Variants in LPP observed in about 807,000 individuals in gnomAD.
LPP encodes the protein LIM domain containing preferred translocation partner in lipoma, also known as lipoma-preferred partner.
In LPP, 38 loss-of-function variants were observed where a neutral mutation model predicts 60.4. The ratio of observed to expected loss-of-function variants is 0.63; its 90% CI spans 0.49 to 0.83. The LOEUF is 0.83. LPP is among the 40% of genes least tolerant of loss of function. The pLI, the probability that LPP is intolerant of heterozygous loss-of-function variation, is 0.00. For synonymous variants in LPP, 328 were observed against 290.8 expected (o/e 1.13, Z -1.30); for missense variants, 902 against 783.6 (o/e 1.15, Z -1.80).
intron 7 of LPP, among the ~76,000 whole-genome samples, chr3:188,701,466 A>T (rs1480552581): frequency 6.6e-6 from 1 of 152,242 alleles, no homozygotes; most frequent in African/African-American, 2.4e-5. Flanking sequence ...ACTTTCAACG[A>T]TTAACCTTTG....
Position 188,449,388 on chromosome 3 carries a change from C to T in LPP, c.194-35204C>T, listed in dbSNP as rs115486909. Among the ~76,000 whole-genome samples, 586 of 152,266 alleles carry T rather than the reference C, an allele frequency of 3.8e-3. 1 individual carries two copies. The highest frequency in any genetic ancestry group is 7.2e-3 in the Non-Finnish European group (490 of 68,028). The stretch of plus-strand genomic sequence containing the variant: ...GGGCTTGGAATAGCACTTATAAATG[C>T]ATGAATTTTTAGAAATATATACTAT... On this transcript the variant is annotated intron_variant, in intron 4 of 11. Transcript: ENST00000617246.
chr3:188,610,911 A>G lies in LPP; in HGVS notation c.1113+1067A>G, dbSNP rs767311999. ...GAAATTTGAGAGCCCTCAATTAGCT[A>G]GAAGTTCAATGGTAGTTTTGGGGGA... On this transcript the variant is annotated intron_variant, in intron 7 of 11. Transcript: ENST00000617246. The surrounding 1 kb of genome is among the most constrained non-coding windows in gnomAD (Gnocchi z 4.4). Among the ~76,000 whole-genome samples the G allele has an allele frequency of 1.3e-5, 2 of 152,230 alleles. No homozygotes were observed.
intron 9 of LPP, among the ~76,000 whole-genome samples, chr3:188,788,155 T>C (rs1460292137): frequency 6.6e-6 from 1 of 152,220 alleles, no homozygotes; most frequent in African/African-American, 2.4e-5. Context: ...ATATCTTCTT[T>C]CATTTATGAG....
At chr3:188,179,159 C>T (rs148186899) in intron 1 of LPP, 1 of 424,262 alleles carries the variant, frequency 2.4e-6, no homozygotes, top group East Asian at 7.1e-5. Context: ...TCCCCCCGGC[C>T]CCCATTCCCT....
intron 3 of LPP, among the ~76,000 whole-genome samples, chr3:188,356,955 G>T (rs956151113): frequency 1.3e-5 from 2 of 152,184 alleles, no homozygotes; most frequent in African/African-American, 4.8e-5. Context: ...CCATTCTGGG[G>T]AGGTGGGTGA....
At chr3:188,343,982 C>G (rs1347371531) in intron 3 of LPP, among the ~76,000 whole-genome samples, 1 of 152,166 alleles carries the variant, frequency 6.6e-6, no homozygotes, top group Non-Finnish European at 1.5e-5. Flanking sequence ...CCACTGACTG[C>G]GGTGTGTTCT....
intron 9 of LPP, among the ~76,000 whole-genome samples, chr3:188,865,088 A>G (rs1766249888): frequency 6.6e-6 from 1 of 152,202 alleles, no homozygotes; most frequent in South Asian, 2.1e-4. Context: ...TAAGATCCAC[A>G]TCCCGGGTTT....
intron 8 of LPP, among the ~76,000 whole-genome samples, chr3:188,727,357 G>T (rs1313926041): frequency 6.6e-6 from 1 of 152,124 alleles, no homozygotes; most frequent in East Asian, 1.9e-4. Context: ...GGCTACTTAG[G>T]TTTTGTGTAT....
intron 6 of LPP, among the ~76,000 whole-genome samples, chr3:188,607,377 AT>A (rs1842632403): frequency 7.1e-4 from 8 of 11,302 alleles, no homozygotes; most frequent in Middle Eastern, 0.062. Flanking sequence ...GAAGATATAT[AT>A]ATATATATAT....
At position 188,318,812 on chromosome 3, in the gene LPP, G is replaced by A. The variant is rs1216843263; in HGVS notation, c.-66-22851G>A. 1.3e-4 allele frequency among the ~76,000 whole-genome samples: 18 copies of A among 135,394 alleles called. No homozygotes were observed. In the East Asian group the frequency reaches 2.4e-3, roughly 18 times the overall value. 88.8% of individuals were successfully genotyped at this position (135,394 alleles called of 152,430 possible). On this transcript the variant is annotated intron_variant, in intron 2 of 11. Coordinates refer to ENST00000617246, the MANE Select transcript of LPP (RefSeq NM_001375462.1). ...CTCGCTCTGTCGCCCAGGCTGGAGT[G>A]CAGTGGCGCGATCTCGGCTCACTGC...
intron 5 of LPP, among the ~76,000 whole-genome samples, chr3:188,501,810 G>A (rs1240549288): frequency 2.6e-5 from 4 of 151,554 alleles, no homozygotes; most frequent in South Asian, 2.1e-4. Context: ...CCAGCTACTC[G>A]GGAGGCTGAG....
intron 3 of LPP, among the ~76,000 whole-genome samples, chr3:188,388,443 C>G (rs893486877): frequency 6.6e-6 from 1 of 152,008 alleles, no homozygotes; most frequent in African/African-American, 2.4e-5. Flanking sequence ...ACCATCCTAG[C>G]CAGATGCTGA....
intron 9 of LPP, among the ~76,000 whole-genome samples, chr3:188,816,125 G>C (rs114709169): frequency 6.7e-6 from 1 of 149,338 alleles, no homozygotes; most frequent in Non-Finnish European, 1.5e-5. Context: ...ACAAACTGCT[G>C]TATAGACACT....
At chr3:188,614,953 C>T (rs1844572800) in intron 7 of LPP, among the ~76,000 whole-genome samples, 2 of 152,106 alleles carry the variant, frequency 1.3e-5, no homozygotes, top group African/African-American at 2.4e-5. Context: ...AAATTTGTCC[C>T]GAGGTTCTTT....
At chr3:188,364,368 C>T (rs1234490806) in intron 3 of LPP, among the ~76,000 whole-genome samples, 1 of 152,166 alleles carries the variant, frequency 6.6e-6, no homozygotes, top group African/African-American at 2.4e-5. Context: ...TATTTATATA[C>T]TTGCCTTCGT....
chr3:188,208,360 A>C (rs532253986), intron 1 of LPP: 1 of 152,220 alleles, frequency 6.6e-6, no homozygotes, highest in Non-Finnish European at 1.5e-5. Flanking sequence ...CCTGCTGCCC[A>C]CTGCTAGGGA....
intron 3 of LPP, among the ~76,000 whole-genome samples, chr3:188,346,133 A>C (rs960080014): frequency 6.7e-6 from 1 of 150,230 alleles, no homozygotes; most frequent in African/African-American, 2.5e-5. Flanking sequence ...TATAAGTTCC[A>C]CTACCCATAC....
rs1396323393 is a variant in LPP at position 188,665,444 on chromosome 3, CCTT to C, written c.1114-42807_1114-42805del. ...CCTCTCTAAACAGAGCAAACATATT[CCTT>C]CTTCTTCTTCTTCTTTTTTTTTTTT... On this transcript the variant is annotated intron_variant, in intron 7 of 11. Coordinates refer to ENST00000617246, the MANE Select transcript of LPP (RefSeq NM_001375462.1). Among the ~76,000 whole-genome samples, 35 of 126,344 alleles carry C rather than the reference CCTT, an allele frequency of 2.8e-4. 2 individuals are homozygous for C. The highest frequency in any genetic ancestry group is 5.5e-4 in the African/African-American group (20 of 36,452). The allele number at this position is 126,344 out of a possible 152,430, so 82.9% of individuals were successfully genotyped here.
intron 9 of LPP, among the ~76,000 whole-genome samples, chr3:188,847,839 A>G (rs1373678499): frequency 6.6e-6 from 1 of 152,238 alleles, no homozygotes; most frequent in Non-Finnish European, 1.5e-5. Flanking sequence ...ATGTTATTTA[A>G]TAGAATGCAA....
Sources: allele counts gnomAD v4.1 joint callset (sites outside exome capture counted in the v4.1 genomes callset), GRCh38; gene constraint gnomAD v4.1.1; non-coding constraint Gnocchi (gnomAD v3.1); transcripts MANE v1.5; gene names NCBI Gene and HGNC (gene_info 2026-07-23, HGNC 2026-07-21).